Variants in PPFIA1 observed in about 807,000 individuals in gnomAD.
PPFIA1 encodes the protein PPFI scaffold protein A1.
Under a neutral mutation model 149.9 loss-of-function variants are expected in PPFIA1, and 25 were observed. The observed-to-expected ratio is 0.17, with a 90% CI of 0.12 to 0.23. The LOEUF is 0.23. Among genes scored for constraint, PPFIA1 ranks in the 10% least tolerant of loss-of-function variants. The pLI, the probability that PPFIA1 is intolerant of heterozygous loss-of-function variation, is 1.00. For synonymous variants in PPFIA1, 549 were observed against 552.8 expected, an observed-to-expected ratio of 0.99 and a Z score of 0.10; for missense variants, 1,362 against 1,506.5, an observed-to-expected ratio of 0.90 and a Z score of 1.59.
chr11:70,309,806 CAG>C (rs2053138117), intron 2 of PPFIA1, among the ~76,000 whole-genome samples: 2 of 152,026 alleles, frequency 1.3e-5, no homozygotes, highest in South Asian at 4.1e-4. Context: ...GGCAGATACA[CAG>C]AGACAGAAAG....
chr11:70,308,701 G>C (rs543679660), intron 2 of PPFIA1, among the ~76,000 whole-genome samples: 16 of 152,226 alleles, frequency 1.1e-4, no homozygotes, highest in African/African-American at 3.6e-4. Context: ...GGAGGTCAAG[G>C]TGGGAGGTTT....
chr11:70,356,483 G>C (rs2056368990), intron 19 of PPFIA1, among the ~76,000 whole-genome samples: 1 of 152,208 alleles, frequency 6.6e-6, no homozygotes, highest in African/African-American at 2.4e-5. Context: ...CCAACCAGGA[G>C]ATAGGGTGGG....
At chr11:70,348,880 C>T (rs1180944587) in intron 16 of PPFIA1, among the ~76,000 whole-genome samples, 1 of 151,932 alleles carries the variant, frequency 6.6e-6, no homozygotes, top group Non-Finnish European at 1.5e-5. Context: ...CAAAACAAAT[C>T]CCAAAAAATA....
At chr11:70,379,457 C>CAAA (rs546276253) in intron 26 of PPFIA1, among the ~76,000 whole-genome samples, 1 of 138,674 alleles carries the variant, frequency 7.2e-6, no homozygotes, top group African/African-American at 2.6e-5. Flanking sequence ...GACTCTGTCT[C>CAAA]AAAAAAAAAA....
intron 2 of PPFIA1, chr11:70,279,411 G>A (rs2050604620): frequency 5.8e-6 from 1 of 171,480 alleles, no homozygotes; most frequent in South Asian, 2.0e-4. Context: ...TGCCTCTGGT[G>A]GCTTGTAACA....
chr11:70,362,019 C>T (rs150876426), intron 19 of PPFIA1, 76 bp from the exon 20 acceptor site: 1 of 1,420,392 alleles, frequency 7.0e-7, no homozygotes, highest in East Asian at 2.3e-5. Flanking sequence ...CCTTGGCCTC[C>T]CAGAGAGCTG....
At chr11:70,311,470 G>T (rs1299529555) in intron 2 of PPFIA1, among the ~76,000 whole-genome samples, 1 of 152,190 alleles carries the variant, frequency 6.6e-6, no homozygotes. Flanking sequence ...GCTAAGAACT[G>T]AATTAACAGT....
chr11:70,341,543 C>A (rs2055331945), intron 14 of PPFIA1, among the ~76,000 whole-genome samples: 1 of 152,112 alleles, frequency 6.6e-6, no homozygotes, highest in African/African-American at 2.4e-5. Context: ...ATGGGACTGT[C>A]AGCTGTCCAG....
At chr11:70,364,048 C>G (rs963928224) in intron 21 of PPFIA1, among the ~76,000 whole-genome samples, 1 of 152,178 alleles carries the variant, frequency 6.6e-6, no homozygotes, top group East Asian at 1.9e-4. Flanking sequence ...AATTCTAATC[C>G]TCCCTTCCCC....
chr11:70,382,917 C>T (rs978827191), intron 27 of PPFIA1, 86 bp from the exon 28 acceptor site: 4 of 351,184 alleles, frequency 1.1e-5, no homozygotes, highest in Admixed American at 5.5e-5. Context: ...GTCGGGGGGA[C>T]GTTTGGGCCC....
chr11:70,289,318 AT>A (rs1306964751), intron 2 of PPFIA1, among the ~76,000 whole-genome samples: 1 of 152,102 alleles, frequency 6.6e-6, no homozygotes, highest in African/African-American at 2.4e-5. Context: ...CTAGAAAAAA[AT>A]GTTCATTAAA....
chr11:70,355,965 A>G (rs1270208280), intron 18 of PPFIA1, among the ~76,000 whole-genome samples, 154 bp downstream of exon 18: 3 of 152,192 alleles, frequency 2.0e-5, no homozygotes, highest in African/African-American at 4.8e-5. Context: ...GCAGCAGTTT[A>G]TGCTCACTTG....
intron 16 of PPFIA1, among the ~76,000 whole-genome samples, chr11:70,352,879 C>T (rs1302867727): frequency 6.6e-6 from 1 of 152,026 alleles, no homozygotes; most frequent in African/African-American, 2.4e-5. Context: ...CGGGGCTTTC[C>T]CCAGACCCTG....
chr11:70,340,541 A>G lies in PPFIA1; in HGVS notation c.1707+1235A>G, dbSNP rs2507937. ...TTCTTTCTTTGGTCTGTTCAGCAGC[A>G]TTTGTTTCAATACACGCAAGTATAA... is the stretch of plus-strand genomic sequence containing the variant. On this transcript the variant is annotated intron_variant, in intron 14 of 27. Transcript: ENST00000253925. 3.4e-3 allele frequency among the ~76,000 whole-genome samples: 524 copies of G among 152,316 alleles called. 3 individuals carry two copies. Among genetic ancestry groups the G allele is most frequent in the African/African-American group, 0.012 (500 of 41,566 alleles).
At chr11:70,346,702 A>T (rs1453036284) in intron 15 of PPFIA1, among the ~76,000 whole-genome samples, 2 of 152,246 alleles carry the variant, frequency 1.3e-5, no homozygotes, top group Middle Eastern at 3.4e-3. Flanking sequence ...ATTTCTTATG[A>T]TGTATAGCTA....
Position 70,316,075 on chromosome 11 carries a change from A to AT in PPFIA1, c.265-8318dup, listed in dbSNP as rs766819829. Among the ~76,000 whole-genome samples the AT allele has an allele frequency of 9.3e-5, 14 of 150,768 alleles. No individual in the cohort carries two copies. In the East Asian group the frequency reaches 1.2e-3, roughly 13 times the overall value. On this transcript the variant is annotated intron_variant, in intron 2 of 27. Transcript: ENST00000253925. The stretch of plus-strand genomic sequence containing the variant: ...CAGAATTTCCTTCCTTTTTTTTTAA[A>AT]TTTTTTTTTCTTTGAGACAGAGTTT...
intron 23 of PPFIA1, chr11:70,374,317 A>G (rs1182769893): frequency 2.0e-5 from 3 of 152,240 alleles, no homozygotes; most frequent in Non-Finnish European, 4.4e-5. Context: ...GCAGTGAGCT[A>G]TGATGGTACC....
rs759166307 is a variant in PPFIA1, at chr11:70,343,724, C to T, written c.1763C>T (p.Ala588Val). ...WERAQQASVL[A>V]NVAQAFESDA... ...CGTGCCCAGCAAGCTAGTGTCTTGG[C>T]AAATGTAGCACAAGCATTCGAGAGT... Residue 588 changes from alanine (A) to valine (V), a missense_variant, in exon 15 of 28, where the codon GCA becomes GTA. Ala to Val is a moderately conservative substitution (Grantham distance 64, BLOSUM62 0). Transcript: ENST00000253925. The T allele has an allele frequency of 1.9e-6, 3 of 1,614,232 alleles. No individual in the cohort carries two copies. The Admixed American group carries it at 5.0e-5, about 27-fold the overall frequency.
intron 19 of PPFIA1, among the ~76,000 whole-genome samples, chr11:70,357,102 A>G (rs1347724354): frequency 6.6e-6 from 1 of 152,188 alleles, no homozygotes; most frequent in East Asian, 1.9e-4. Context: ...GTAGAACAAA[A>G]CTAAACCCAG....
Sources: allele counts gnomAD v4.1 joint callset (sites outside exome capture counted in the v4.1 genomes callset), GRCh38; gene constraint gnomAD v4.1.1; transcripts MANE v1.5; gene names NCBI Gene and HGNC (gene_info 2026-07-23, HGNC 2026-07-21).